Variants in TYW1 observed in about 807,000 individuals in gnomAD.
The protein encoded by TYW1 is tRNA-yW synthesizing protein 1 homolog.
In TYW1, 46 loss-of-function variants were observed where a neutral mutation model predicts 96.2. That is an observed-to-expected ratio of 0.48 (90% CI 0.38 to 0.61). TYW1 has a LOEUF of 0.61. Among genes scored for constraint, TYW1 ranks in the 20% least tolerant of loss-of-function variants. TYW1 has a pLI of 0.00. For missense variants in TYW1, 684 were observed against 909.6 expected (o/e 0.75, Z 3.19); for synonymous variants, 274 against 323.0 (o/e 0.85, Z 1.63).
At chr7:67,081,639 A>G (rs1353650425) in intron 10 of TYW1, among the ~76,000 whole-genome samples, 2 of 151,050 alleles carry the variant, frequency 1.3e-5, no homozygotes, top group Non-Finnish European at 3.0e-5. Context: ...TTTTTTTCCT[A>G]CGCCTCCTGC....
chr7:67,084,428 C>T (rs939578500), intron 11 of TYW1, among the ~76,000 whole-genome samples: 3 of 152,086 alleles, frequency 2.0e-5, no homozygotes, highest in Non-Finnish European at 2.9e-5. Flanking sequence ...TATCATGCAT[C>T]GGAATCATCT....
intron 13 of TYW1, among the ~76,000 whole-genome samples, chr7:67,122,058 C>G (rs2116004053): frequency 6.6e-6 from 1 of 151,670 alleles, no homozygotes; most frequent in Admixed American, 6.6e-5. Flanking sequence ...TAGCAGTAAA[C>G]TTTTATCAGC....
At chr7:67,112,843 A>G (rs966655885) in intron 12 of TYW1, among the ~76,000 whole-genome samples, 6 of 152,108 alleles carry the variant, frequency 3.9e-5, no homozygotes, top group Admixed American at 2.0e-4. Context: ...TTTTTAATCC[A>G]TCCATCACAC....
chr7:67,085,971 CAA>C (rs111345310), intron 11 of TYW1, among the ~76,000 whole-genome samples: 3 of 135,434 alleles, frequency 2.2e-5, no homozygotes, highest in Admixed American at 7.5e-5. Context: ...GACTCCATCT[CAA>C]AAAAAAAAAA....
At chr7:67,134,177 C>T (rs1584602787) in intron 13 of TYW1, among the ~76,000 whole-genome samples, 1 of 152,052 alleles carries the variant, frequency 6.6e-6, no homozygotes, top group Non-Finnish European at 1.5e-5. Context: ...ATAATTCATG[C>T]ATCCTAGTAT....
At chr7:67,119,986 C>G (rs1034916458) in intron 13 of TYW1, among the ~76,000 whole-genome samples, 6 of 152,072 alleles carry the variant, frequency 3.9e-5, no homozygotes, top group African/African-American at 1.2e-4. Context: ...GAGACAATCT[C>G]AAACTCCTGG....
intron 12 of TYW1, among the ~76,000 whole-genome samples, chr7:67,112,445 A>T (rs1797451084): frequency 6.6e-6 from 1 of 151,872 alleles, no homozygotes; most frequent in Non-Finnish European, 1.5e-5. Context: ...GCAAAACCCC[A>T]TCTCCACTAA....
chr7:67,027,460 A>C (rs1180997181), intron 7 of TYW1, among the ~76,000 whole-genome samples: 1 of 152,176 alleles, frequency 6.6e-6, no homozygotes, highest in Non-Finnish European at 1.5e-5. Context: ...AACCTGGAGA[A>C]AGCTTTTCTG....
intron 11 of TYW1, among the ~76,000 whole-genome samples, chr7:67,092,753 G>T (rs1013894420): frequency 7.6e-5 from 11 of 144,722 alleles, no homozygotes; most frequent in African/African-American, 2.6e-4. Flanking sequence ...TGAGATCTCG[G>T]CTCACTGCAA....
At chr7:67,159,530 G>A (rs4717349) in intron 13 of TYW1, among the ~76,000 whole-genome samples, 44,762 of 151,708 alleles carry the variant, frequency 0.3, 6,836 homozygotes, top group African/African-American at 0.37. Context: ...TCACTAAGGT[G>A]TATAAAAAGT....
At chr7:67,091,966 C>T (rs1221402795) in intron 11 of TYW1, among the ~76,000 whole-genome samples, 2 of 152,178 alleles carry the variant, frequency 1.3e-5, no homozygotes, top group Admixed American at 6.5e-5. Flanking sequence ...CTCCTGTCCT[C>T]GTGGCTGCTC....
intron 6 of TYW1, among the ~76,000 whole-genome samples, chr7:67,019,451 G>T (rs771302173): frequency 6.6e-6 from 1 of 152,172 alleles, no homozygotes; most frequent in Non-Finnish European, 1.5e-5. Flanking sequence ...GCCCGCCTCG[G>T]CCTCCCAAAG....
At chr7:67,020,691 C>T (rs1794222420) in intron 6 of TYW1, among the ~76,000 whole-genome samples, 1 of 152,286 alleles carries the variant, frequency 6.6e-6, no homozygotes, top group Non-Finnish European at 1.5e-5. Flanking sequence ...ATTATTCTCT[C>T]TCTTCCTCTC....
intron 13 of TYW1, among the ~76,000 whole-genome samples, chr7:67,135,450 A>G (rs929228207): frequency 6.6e-6 from 1 of 151,606 alleles, no homozygotes; most frequent in Non-Finnish European, 1.5e-5. Flanking sequence ...GATTACAGGC[A>G]CATGCCACCA....
intron 9 of TYW1, among the ~76,000 whole-genome samples, chr7:67,061,709 A>T (rs1284671026): frequency 3.3e-5 from 5 of 152,234 alleles, no homozygotes; most frequent in Non-Finnish European, 4.4e-5. Flanking sequence ...TATTGAATTT[A>T]TATAAATAAA....
Position 67,014,422 on chromosome 7 carries a change from C to T in TYW1, c.431C>T (p.Pro144Leu), listed in dbSNP as rs1475619117. ...GTTGCGACATACACTGACGGCCTAC[C>T]AACTGAAAGTGCAGAGTGGTTCTGC... ...FLVATYTDGL[P>L]TESAEWFCKW... is the part of the protein sequence containing the mutation. The change falls in exon 5 of 16, where the codon CCA (proline) becomes CTA (leucine). Residue 144 changes from proline (P) to leucine (L), a missense_variant. Coordinates refer to ENST00000359626, the MANE Select transcript of TYW1 (RefSeq NM_018264.4). 6.2e-7 allele frequency: 1 copy of T among 1,613,672 alleles called. No individual in the cohort carries two copies. The highest frequency in any genetic ancestry group is 8.5e-7 in the Non-Finnish European group (1 of 1,179,844).
intron 14 of TYW1, among the ~76,000 whole-genome samples, chr7:67,185,023 A>T (rs1799977358): frequency 6.6e-6 from 1 of 151,952 alleles, no homozygotes; most frequent in African/African-American, 2.4e-5. Context: ...ATGACATTTT[A>T]AAAACTGATA....
At chr7:67,029,723 C>T (rs1262162859) in intron 7 of TYW1, among the ~76,000 whole-genome samples, 1 of 152,010 alleles carries the variant, frequency 6.6e-6, no homozygotes, top group African/African-American at 2.4e-5. Context: ...GTTTTTGAGA[C>T]AGAGTCTCAC....
At chr7:67,071,207 G>A (rs1169358156) in intron 10 of TYW1, among the ~76,000 whole-genome samples, 3 of 151,912 alleles carry the variant, frequency 2.0e-5, no homozygotes, top group Admixed American at 6.6e-5. Context: ...TCACTCTTCA[G>A]GGTTTGTTTT....
Sources: gnomAD v4.1 joint callset for allele counts (sites outside exome capture counted in the v4.1 genomes callset) on GRCh38, gnomAD v4.1.1 for gene constraint, MANE v1.5 for transcripts, NCBI Gene and HGNC (gene_info 2026-07-23, HGNC 2026-07-21) for gene names.